DENND1B: variants seen among roughly 807,000 people sequenced by gnomAD.
The protein encoded by DENND1B is DENN domain containing 1B.
Under a neutral mutation model 90.1 loss-of-function variants are expected in DENND1B, and 59 were observed. That is an observed-to-expected ratio of 0.65 (90% CI 0.53 to 0.81). DENND1B has a LOEUF of 0.81. Ranked by LOEUF, DENND1B falls within the 40% of genes least tolerant of loss-of-function variation. The pLI, the probability that DENND1B is intolerant of heterozygous loss-of-function variation, is 0.00. For missense variants in DENND1B, 862 were observed against 912.6 expected, an observed-to-expected ratio of 0.94 and a Z score of 0.71; for synonymous variants, 337 against 324.6, an observed-to-expected ratio of 1.04 and a Z score of -0.41.
At chr1:197,723,492 T>C (rs1661369054) in intron 2 of DENND1B, among the ~76,000 whole-genome samples, 1 of 152,168 alleles carries the variant, frequency 6.6e-6, no homozygotes, top group Non-Finnish European at 1.5e-5. Flanking sequence ...CCACAGATGT[T>C]CAATCTTGAT....
At chr1:197,605,398 A>C (rs1211019005) in intron 13 of DENND1B, 1 of 150,968 alleles carries the variant, frequency 6.6e-6, no homozygotes, top group African/African-American at 2.4e-5. Context: ...TTCAAAGATT[A>C]TTTTTTCAAG....
At chr1:197,697,571 C>A (rs1658565759) in intron 3 of DENND1B, among the ~76,000 whole-genome samples, 1 of 151,602 alleles carries the variant, frequency 6.6e-6, no homozygotes, top group South Asian at 2.1e-4. Flanking sequence ...CTCCTAAACA[C>A]CAGCATTTCC....
At chr1:197,586,396 G>T (rs1258183115) in intron 14 of DENND1B, among the ~76,000 whole-genome samples, 1 of 151,914 alleles carries the variant, frequency 6.6e-6, no homozygotes, top group Non-Finnish European at 1.5e-5. Flanking sequence ...TATTTTTTCA[G>T]TTTTAATTTC....
intron 2 of DENND1B, among the ~76,000 whole-genome samples, chr1:197,766,824 C>T (rs1655758353): frequency 6.6e-6 from 1 of 152,128 alleles, no homozygotes; most frequent in African/African-American, 2.4e-5. Flanking sequence ...GAGTCTCCCT[C>T]TGTCACCTAG....
chr1:197,748,501 G>A (rs1425432979), intron 2 of DENND1B, among the ~76,000 whole-genome samples: 1 of 152,106 alleles, frequency 6.6e-6, no homozygotes. Flanking sequence ...TTAAAATAGG[G>A]AGCATATCCT....
chr1:197,513,348 C>A (rs978400820), intron 20 of DENND1B, among the ~76,000 whole-genome samples: 1 of 151,608 alleles, frequency 6.6e-6, no homozygotes, highest in African/African-American at 2.4e-5. Flanking sequence ...CCCCAGCCCA[C>A]ACTCTCTTCC....
At chr1:197,774,829 G>T (rs2052013594) in intron 1 of DENND1B, among the ~76,000 whole-genome samples, 1 of 152,210 alleles carries the variant, frequency 6.6e-6, no homozygotes, top group African/African-American at 2.4e-5. Flanking sequence ...CCCCTCAGCG[G>T]CGGTGTCAGG....
At chr1:197,649,789 C>T (rs376839179) in intron 7 of DENND1B, among the ~76,000 whole-genome samples, 16 of 152,152 alleles carry the variant, frequency 1.1e-4, no homozygotes, top group African/African-American at 3.9e-4. Context: ...CTGGAAAAAC[C>T]CTTCTAGACA....
intron 3 of DENND1B, among the ~76,000 whole-genome samples, chr1:197,698,733 C>T (rs1332628689): frequency 1.3e-5 from 2 of 151,986 alleles, no homozygotes; most frequent in Non-Finnish European, 2.9e-5. Context: ...GGGGATATCA[C>T]CACTGATCCC....
At chr1:197,656,380 A>G (rs1256085244) in intron 6 of DENND1B, among the ~76,000 whole-genome samples, 1 of 152,214 alleles carries the variant, frequency 6.6e-6, no homozygotes, top group Admixed American at 6.5e-5. Context: ...AAGAATTTAA[A>G]CAGATAACCA....
chr1:197,679,182 T>C (rs915062203), intron 3 of DENND1B, among the ~76,000 whole-genome samples: 1 of 151,676 alleles, frequency 6.6e-6, no homozygotes, highest in Admixed American at 6.6e-5. Flanking sequence ...TTTCAGAAAT[T>C]TCAGTTCTAT....
At chr1:197,641,936 T>C (rs530156354) in intron 10 of DENND1B, among the ~76,000 whole-genome samples, 4 of 152,180 alleles carry the variant, frequency 2.6e-5, no homozygotes, top group African/African-American at 4.8e-5. Context: ...AGGAAGAAAA[T>C]TCATAAAATA....
intron 14 of DENND1B, among the ~76,000 whole-genome samples, chr1:197,593,103 C>T (rs909198083): frequency 3.3e-5 from 5 of 149,954 alleles, no homozygotes; most frequent in African/African-American, 9.8e-5. Flanking sequence ...TATCAATGAC[C>T]GAAAAGAATT....
chr1:197,564,395 C>CAA (rs71131780), intron 15 of DENND1B, among the ~76,000 whole-genome samples: 21,915 of 63,272 alleles, frequency 0.35, 4,650 homozygotes, highest in East Asian at 0.54. Flanking sequence ...CCTCCACCAG[C>CAA]AAAAAAAAAA....
intron 3 of DENND1B, among the ~76,000 whole-genome samples, chr1:197,700,380 A>G (rs1272674334): frequency 6.6e-6 from 1 of 151,948 alleles, no homozygotes; most frequent in Non-Finnish European, 1.5e-5. Context: ...AGGATCTCCT[A>G]TTCAGGAGCT....
chr1:197,661,120 A>G (rs1654366203), intron 5 of DENND1B, among the ~76,000 whole-genome samples: 1 of 152,016 alleles, frequency 6.6e-6, no homozygotes, highest in African/African-American at 2.4e-5. Flanking sequence ...AAAATTAGAA[A>G]TTACTATTGG....
At chr1:197,569,812 G>T (rs1672999399) in intron 15 of DENND1B, among the ~76,000 whole-genome samples, 1 of 151,980 alleles carries the variant, frequency 6.6e-6, no homozygotes, top group African/African-American at 2.4e-5. Flanking sequence ...TAGACAAGAG[G>T]AATAACAAGT....
At chr1:197,752,190 G>A (rs1653653950) in intron 2 of DENND1B, among the ~76,000 whole-genome samples, 1 of 151,886 alleles carries the variant, frequency 6.6e-6, no homozygotes. Context: ...TATTAATATT[G>A]GAAGAAAAGG....
At chr1:197,574,989 CT>C (rs1262386994) in intron 15 of DENND1B, among the ~76,000 whole-genome samples, 14 of 151,900 alleles carry the variant, frequency 9.2e-5, no homozygotes, top group Admixed American at 9.2e-4. Context: ...CATAAAAACC[CT>C]AGAAAACCTA....
Sources: allele counts gnomAD v4.1 joint callset (sites outside exome capture counted in the v4.1 genomes callset), GRCh38; gene constraint gnomAD v4.1.1; transcripts MANE v1.5; gene names NCBI Gene and HGNC (gene_info 2026-07-23, HGNC 2026-07-21).